The following FRMD5 variants were observed in gnomAD, a reference collection of about 807,000 sequenced individuals.
FRMD5 encodes the protein FERM domain containing 5, also known as FERM domain-containing protein 5.
In FRMD5, 20 loss-of-function variants were observed where a neutral mutation model predicts 69.0. The observed-to-expected ratio is 0.29, with a 90% CI of 0.20 to 0.42. FRMD5 has a LOEUF of 0.42. FRMD5 is among the 10% of genes least tolerant of loss of function. FRMD5 has a pLI of 1.00. For synonymous variants in FRMD5, 271 were observed against 260.1 expected, an observed-to-expected ratio of 1.04 and a Z score of -0.40; for missense variants, 595 against 708.6, an observed-to-expected ratio of 0.84 and a Z score of 1.82.
intron 1 of FRMD5, among the ~76,000 whole-genome samples, chr15:44,162,940 C>T (rs1269186386): frequency 6.6e-6 from 1 of 150,976 alleles, no homozygotes; most frequent in Non-Finnish European, 1.5e-5. Flanking sequence ...TTTGGGAGGC[C>T]AAGACGGTCG....
intron 1 of FRMD5, among the ~76,000 whole-genome samples, chr15:44,025,691 G>C (rs1199410152): frequency 6.6e-6 from 1 of 152,154 alleles, no homozygotes; most frequent in African/African-American, 2.4e-5. Context: ...TTAGAGCTGG[G>C]AGTGTTAAGA....
Position 43,871,238 on chromosome 15 carries a change from T to G in FRMD5, c.*2647A>C, listed in dbSNP as rs2088153172. On this transcript the variant is annotated 3_prime_UTR_variant, in exon 14 of 14. Transcript: ENST00000417257. Reference sequence around the variant, plus strand: ...AGGAAACTTTTCTATCCATATTTTCTGGGATGAGCCCTGGAAAAAAACAAC... The same window carrying G: ...AGGAAACTTTTCTATCCATATTTTCGGGGATGAGCCCTGGAAAAAAACAAC... 1 of 152,228 alleles carries G rather than the reference T, an allele frequency of 6.6e-6. No homozygotes were observed. Among genetic ancestry groups the G allele is most frequent in the Non-Finnish European group, 1.5e-5 (1 of 68,042 alleles). 9.4% of individuals were successfully genotyped at this position (152,228 alleles called of 1,614,324 possible).
chr15:43,894,527 G>A (rs988931757), intron 7 of FRMD5, among the ~76,000 whole-genome samples: 7 of 152,180 alleles, frequency 4.6e-5, no homozygotes, highest in Admixed American at 3.3e-4. Flanking sequence ...TGAGGCAGAG[G>A]CACGGAAGGG....
intron 1 of FRMD5, among the ~76,000 whole-genome samples, chr15:44,096,425 C>T (rs2076554599): frequency 7.3e-6 from 1 of 137,560 alleles, no homozygotes; most frequent in Non-Finnish European, 1.5e-5. Flanking sequence ...TTTTTTTAGA[C>T]AGAGTCTTGC....
At chr15:43,977,800 A>G (rs147416151) in intron 1 of FRMD5, among the ~76,000 whole-genome samples, 11 of 152,310 alleles carry the variant, frequency 7.2e-5, no homozygotes, top group African/African-American at 1.2e-4. Context: ...TCCCTCTTCT[A>G]CAGTGAGGAT....
At chr15:44,069,959 G>C (rs1390876794) in intron 1 of FRMD5, among the ~76,000 whole-genome samples, 2 of 152,126 alleles carry the variant, frequency 1.3e-5, no homozygotes, top group African/African-American at 4.8e-5. Flanking sequence ...ATATTCATAA[G>C]AGGATTATAA....
At chr15:43,936,658 A>G (rs772948267) in intron 1 of FRMD5, among the ~76,000 whole-genome samples, 12 of 151,582 alleles carry the variant, frequency 7.9e-5, no homozygotes, top group Admixed American at 2.0e-4. Flanking sequence ...CCCTGTCCAA[A>G]TCAGAGTCTA....
chr15:44,038,683 G>A (rs1892038661), intron 1 of FRMD5, among the ~76,000 whole-genome samples: 2 of 152,004 alleles, frequency 1.3e-5, no homozygotes, highest in African/African-American at 4.8e-5. Context: ...TGGTTGGACA[G>A]TGGGTGCAGC....
chr15:44,137,487 G>A (rs1484916661), intron 1 of FRMD5, among the ~76,000 whole-genome samples: 1 of 152,120 alleles, frequency 6.6e-6, no homozygotes, highest in African/African-American at 2.4e-5. Context: ...CAAATCTCAT[G>A]CAAGTAAATA....
chr15:43,920,441 C>G (rs1427434679), intron 2 of FRMD5, among the ~76,000 whole-genome samples: 1 of 152,214 alleles, frequency 6.6e-6, no homozygotes, highest in Non-Finnish European at 1.5e-5. Flanking sequence ...TAACTAACCA[C>G]AACCAACGTG....
intron 1 of FRMD5, among the ~76,000 whole-genome samples, chr15:44,138,371 A>G (rs1203148335): frequency 1.3e-5 from 2 of 152,226 alleles, no homozygotes; most frequent in East Asian, 3.8e-4. Flanking sequence ...ACCTAGACAT[A>G]TTATAGTGAA....
intron 1 of FRMD5, among the ~76,000 whole-genome samples, chr15:44,056,404 T>C (rs1391767453): frequency 1.3e-5 from 2 of 152,206 alleles, no homozygotes; most frequent in Admixed American, 6.5e-5. Context: ...AGTCAGTTCA[T>C]CTGCAAAGAA....
At chr15:44,102,761 T>C (rs2076657857) in intron 1 of FRMD5, among the ~76,000 whole-genome samples, 2 of 152,192 alleles carry the variant, frequency 1.3e-5, no homozygotes, top group African/African-American at 4.8e-5. Flanking sequence ...GAGTTGGACC[T>C]AAGGTCTCAC....
intron 1 of FRMD5, among the ~76,000 whole-genome samples, chr15:44,073,923 G>C (rs1893646685): frequency 6.6e-6 from 1 of 152,150 alleles, no homozygotes; most frequent in Non-Finnish European, 1.5e-5. Flanking sequence ...TACAGTATTT[G>C]TTAAATGGGA....
intron 1 of FRMD5, among the ~76,000 whole-genome samples, chr15:44,144,152 T>C (rs371901685): frequency 1.6e-4 from 24 of 152,314 alleles, no homozygotes; most frequent in East Asian, 7.7e-4. Flanking sequence ...TACTTCATTA[T>C]AGGATTTCCT....
intron 1 of FRMD5, among the ~76,000 whole-genome samples, chr15:44,112,892 G>A (rs1193943576): frequency 6.6e-6 from 1 of 151,914 alleles, no homozygotes; most frequent in Non-Finnish European, 1.5e-5. Context: ...ACCACACTCG[G>A]CCACCTTCAC....
intron 1 of FRMD5, among the ~76,000 whole-genome samples, chr15:44,053,590 G>C (rs1892754299): frequency 1.3e-5 from 2 of 152,106 alleles, no homozygotes; most frequent in Admixed American, 1.3e-4. Context: ...TGACATACTG[G>C]ATATGAAACA....
At chr15:44,082,847 A>G (rs1894051096) in intron 1 of FRMD5, among the ~76,000 whole-genome samples, 1 of 152,024 alleles carries the variant, frequency 6.6e-6, no homozygotes, top group Admixed American at 6.6e-5. Context: ...CCTTGGAACA[A>G]GCATAATTCC....
chr15:44,136,828 G>A (rs1156959088), intron 1 of FRMD5, among the ~76,000 whole-genome samples: 1 of 152,122 alleles, frequency 6.6e-6, no homozygotes, highest in African/African-American at 2.4e-5. Flanking sequence ...AACAATATAA[G>A]TAACAGATAA....
Sources: gnomAD v4.1 joint callset for allele counts (sites outside exome capture counted in the v4.1 genomes callset) on GRCh38, gnomAD v4.1.1 for gene constraint, MANE v1.5 for transcripts, NCBI Gene and HGNC (gene_info 2026-07-23, HGNC 2026-07-21) for gene names.